Variants in NEDD4L observed in about 807,000 individuals in gnomAD.
The protein encoded by NEDD4L is E3 ubiquitin-protein ligase NEDD4-like.
NEDD4L carries 54 observed loss-of-function variants against 148.9 expected under a neutral mutation model. The ratio of observed to expected loss-of-function variants is 0.36; its 90% confidence interval spans 0.29 to 0.45. The LOEUF (loss-of-function observed/expected upper bound fraction) is 0.45. Ranked by LOEUF, NEDD4L falls within the 20% of genes least tolerant of loss-of-function variation. The pLI is 1.00. For synonymous variants in NEDD4L, 433 were observed against 440.7 expected, an observed-to-expected ratio of 0.98 and a Z score of 0.22; for missense variants, 856 against 1,233.8, an observed-to-expected ratio of 0.69 and a Z score of 4.59.
rs1014271115 is a variant in NEDD4L at position 58,256,232 on chromosome 18, A to C, written c.297+4178A>C. The C allele has an allele frequency of 1.6e-6, 2 of 1,227,656 alleles. No homozygotes were observed. Among genetic ancestry groups the C allele is most frequent in the Non-Finnish European group, 2.0e-6 (2 of 985,388 alleles). 76.0% of individuals were successfully genotyped at this position (1,227,656 alleles called of 1,614,324 possible). A position where few individuals can be genotyped will look rare whatever the true frequency, so the allele number is the denominator to read the frequency against. On this transcript the variant is annotated intron_variant, in intron 5 of 30. Transcript: ENST00000400345. The surrounding 1 kb of genome is among the most constrained non-coding windows in gnomAD (Gnocchi z 5.2). The stretch of plus-strand genomic sequence containing the variant: ...CCTGCGCATCCAGCACCGCGCCTCC[A>C]GCGCCGACGTGCGCCAGGTGAGGCT...
intron 2 of NEDD4L, among the ~76,000 whole-genome samples, chr18:58,214,800 A>C (rs111876941): frequency 1.9e-3 from 231 of 123,330 alleles, no homozygotes; most frequent in South Asian, 4.7e-3. Context: ...TCTTTCTTTC[A>C]TTTTTTTTTT....
intron 2 of NEDD4L, among the ~76,000 whole-genome samples, chr18:58,233,008 G>T (rs560610047): frequency 2.0e-5 from 3 of 152,178 alleles, no homozygotes; most frequent in Non-Finnish European, 4.4e-5. Flanking sequence ...AGTCCAAAAA[G>T]CCCTGAAAAC....
At chr18:58,186,512 T>C (rs889525434) in intron 2 of NEDD4L, among the ~76,000 whole-genome samples, 2 of 152,204 alleles carry the variant, frequency 1.3e-5, no homozygotes, top group African/African-American at 4.8e-5. Context: ...TCCCAGCAGA[T>C]CATTCTCTCT....
chr18:58,131,107 C>T (rs538064578), intron 1 of NEDD4L, among the ~76,000 whole-genome samples: 1,390 of 128,760 alleles, frequency 0.011, 10 homozygotes, highest in Non-Finnish European at 0.017. Flanking sequence ...TGTGATCTAG[C>T]GGAACTGTGG....
chr18:58,338,098 A>G (rs369689572), intron 13 of NEDD4L, among the ~76,000 whole-genome samples: 20 of 152,334 alleles, frequency 1.3e-4, no homozygotes, highest in African/African-American at 4.8e-4. Flanking sequence ...GCAGTTTACA[A>G]TCGTGTTCTT....
At chr18:58,057,046 A>G (rs903294605) in intron 1 of NEDD4L, among the ~76,000 whole-genome samples, 1 of 151,920 alleles carries the variant, frequency 6.6e-6, no homozygotes, top group Non-Finnish European at 1.5e-5. Flanking sequence ...CAAGGAGGAG[A>G]TAGAATTACC....
rs377104760 is a variant in NEDD4L, at chr18:58,103,300, T to C, written c.48+58592T>C. Reference sequence around the variant, plus strand: ...TATATATAATATATATAATTATATATTATATAGATGGTTCTGACTTTGCAC... The same window carrying C: ...TATATATAATATATATAATTATATACTATATAGATGGTTCTGACTTTGCAC... On this transcript the variant is annotated intron_variant, in intron 1 of 30. Transcript: ENST00000400345. Among the ~76,000 whole-genome samples, 15 of 148,258 alleles carry C rather than the reference T, an allele frequency of 1.0e-4. No homozygotes were observed. The East Asian group carries it at 1.4e-3, about 13-fold the overall frequency.
chr18:58,126,186 G>A lies in NEDD4L; in HGVS notation c.49-39602G>A, dbSNP rs144211903. 9.9e-4 allele frequency among the ~76,000 whole-genome samples: 151 copies of A among 152,296 alleles called. No homozygotes were observed. The South Asian group carries it at 0.011, about 11-fold the overall frequency. On this transcript the variant is annotated intron_variant, in intron 1 of 30. Transcript: ENST00000400345. ...ACCCATTTAATGGGTGATGCAATGC[G>A]GTGGCTTTTAGTATATTCACACACA...
chr18:58,044,756 C>T (rs1369748825), intron 1 of NEDD4L, 48 bp downstream of exon 1: 1 of 1,588,812 alleles, frequency 6.3e-7, no homozygotes, highest in Admixed American at 1.7e-5. Flanking sequence ...GAGTTCCTAT[C>T]CCGCGCCGGC....
At chr18:58,102,574 TCTGCAGATTCAACCAA>T (rs1474166856) in intron 1 of NEDD4L, among the ~76,000 whole-genome samples, 1 of 152,194 alleles carries the variant, frequency 6.6e-6, no homozygotes, top group African/African-American at 2.4e-5. Context: ...AGGTTCTCCC[TCTGCAGATTCAACCAA>T]CTGCAGATTG....
In NEDD4L at chr18:58,340,782, G is replaced by A. The variant is rs1423482736; in HGVS notation, c.1126-256G>A. ...GATCACCTTGGCAGCAACCCTTTAC[G>A]TTTGAGACTACGGGGTCTTAGAACC... On this transcript the variant is annotated intron_variant, in intron 13 of 30. Coordinates refer to ENST00000400345, the MANE Select transcript of NEDD4L (RefSeq NM_001144967.3). Among the ~76,000 whole-genome samples the A allele has an allele frequency of 3.9e-5, 6 of 152,246 alleles. No homozygotes were observed. In the East Asian group the frequency reaches 9.6e-4, roughly 24 times the overall value.
At chr18:58,220,178 GC>G (rs1346138408) in intron 2 of NEDD4L, among the ~76,000 whole-genome samples, 1 of 152,196 alleles carries the variant, frequency 6.6e-6, no homozygotes, top group Admixed American at 6.5e-5. Flanking sequence ...ACTTTGGGAG[GC>G]CGAGATGGGT....
chr18:58,088,828 T>A (rs2083902297), intron 1 of NEDD4L, among the ~76,000 whole-genome samples: 1 of 152,162 alleles, frequency 6.6e-6, no homozygotes, highest in African/African-American at 2.4e-5. Context: ...ACTGGCGTAT[T>A]TATATTCTCC....
chr18:58,338,302 G>C (rs1034668469), intron 13 of NEDD4L, among the ~76,000 whole-genome samples: 1 of 152,204 alleles, frequency 6.6e-6, no homozygotes, highest in Non-Finnish European at 1.5e-5. Context: ...GCAGAAGGCT[G>C]GTTTTGGCTT....
chr18:58,217,209 C>A (rs2043235587), intron 2 of NEDD4L, among the ~76,000 whole-genome samples: 1 of 152,196 alleles, frequency 6.6e-6, no homozygotes, highest in Non-Finnish European at 1.5e-5. Context: ...GGATTTAAGA[C>A]CATGTGAGGA....
chr18:58,374,565 A>G (rs1208848655), intron 24 of NEDD4L, among the ~76,000 whole-genome samples: 1 of 151,730 alleles, frequency 6.6e-6, no homozygotes, highest in African/African-American at 2.4e-5. Flanking sequence ...GTGATGGGGC[A>G]GGGAGGGGTC....
In NEDD4L at chr18:58,396,304, C is replaced by A; in HGVS notation, c.*35C>A. 1 of 1,433,308 alleles carries A rather than the reference C, an allele frequency of 7.0e-7. No homozygotes were observed. The highest frequency in any genetic ancestry group is 9.8e-7 in the Non-Finnish European group (1 of 1,023,182). The allele number at this position is 1,433,308 out of a possible 1,614,324, so 88.8% of individuals were successfully genotyped here. On this transcript the variant is annotated 3_prime_UTR_variant, in exon 31 of 31. Coordinates refer to ENST00000400345, the MANE Select transcript of NEDD4L (RefSeq NM_001144967.3). ...GCCTCGGGGGTGGTTGTTCTTCAAG[C>A]AAGTTCTGCTTGCACTTTTGCATTT...
chr18:58,112,945 G>T lies in NEDD4L; in HGVS notation c.49-52843G>T, dbSNP rs1339307019. Among the ~76,000 whole-genome samples, 7 of 152,262 alleles carry T rather than the reference G, an allele frequency of 4.6e-5. No homozygotes were observed. In the East Asian group the frequency reaches 7.7e-4, roughly 17 times the overall value. ...TAGAGCCCTCATGAATGGGATTAGT[G>T]CCCTTATAAGAAGAGGCCAAGTGAG... is the stretch of plus-strand genomic sequence containing the variant. On this transcript the variant is annotated intron_variant, in intron 1 of 30. Coordinates refer to ENST00000400345, the MANE Select transcript of NEDD4L (RefSeq NM_001144967.3).
At chr18:58,333,490 A>G (rs1389231525) in intron 11 of NEDD4L, among the ~76,000 whole-genome samples, 2 of 152,198 alleles carry the variant, frequency 1.3e-5, no homozygotes. Context: ...AGAGCAAACT[A>G]CAAGACTGCT....
Sources: gnomAD v4.1 joint callset for allele counts (sites outside exome capture counted in the v4.1 genomes callset) on GRCh38, gnomAD v4.1.1 for gene constraint, Gnocchi (gnomAD v3.1) non-coding constraint, MANE v1.5 for transcripts, NCBI Gene and HGNC (gene_info 2026-07-23, HGNC 2026-07-21) for gene names.